Variants in HMGCLL1 observed in about 807,000 individuals in gnomAD.
The protein encoded by HMGCLL1 is 3-hydroxymethyl-3-methylglutaryl-CoA lyase, cytoplasmic.
A neutral mutation model predicts 39.1 loss-of-function variants in HMGCLL1; 36 were observed. That is an observed-to-expected ratio of 0.92 (90% confidence interval 0.71 to 1.22). The LOEUF (loss-of-function observed/expected upper bound fraction) is 1.22. Among genes scored for constraint, HMGCLL1 ranks in the 50% most tolerant of loss-of-function variants. The pLI is 0.00. For missense variants in HMGCLL1, 451 were observed against 416.5 expected, an observed-to-expected ratio of 1.08 and a Z score of -0.72; for synonymous variants, 149 against 144.0, an observed-to-expected ratio of 1.03 and a Z score of -0.25.
intron 7 of HMGCLL1, among the ~76,000 whole-genome samples, chr6:55,456,291 T>C (rs1764318067): frequency 6.6e-6 from 1 of 152,248 alleles, no homozygotes; most frequent in African/African-American, 2.4e-5. Context: ...ACATATTTTA[T>C]GCTTCTGTTT....
At chr6:55,530,692 A>G (rs1312984004) in intron 3 of HMGCLL1, among the ~76,000 whole-genome samples, 1 of 152,130 alleles carries the variant, frequency 6.6e-6, no homozygotes, top group African/African-American at 2.4e-5. Flanking sequence ...CCATTGTCTA[A>G]TGTGATATTC....
the HMGCLL1 span, among the ~76,000 whole-genome samples, chr6:55,609,078 G>T: frequency 6.6e-6 from 1 of 152,292 alleles, no homozygotes; most frequent in Admixed American, 6.5e-5. Context: ...AGATCCCATT[G>T]GTGAGCCCAC....
At chr6:55,513,748 T>G (rs1241895886) in intron 5 of HMGCLL1, 5 of 376,916 alleles carry the variant, frequency 1.3e-5, no homozygotes, top group Non-Finnish European at 4.6e-6. Flanking sequence ...ACATGTAGGC[T>G]GAGATAAGAG....
chr6:55,543,010 TATATC>T (rs1769565350), intron 1 of HMGCLL1, among the ~76,000 whole-genome samples: 1 of 119,630 alleles, frequency 8.4e-6, no homozygotes, highest in Non-Finnish European at 1.6e-5. Flanking sequence ...ATTATTATAA[TATATC>T]ATATATAGAT....
At chr6:55,479,597 A>G (rs1021608055) in intron 7 of HMGCLL1, among the ~76,000 whole-genome samples, 1 of 151,466 alleles carries the variant, frequency 6.6e-6, no homozygotes, top group African/African-American at 2.4e-5. Context: ...TTTCCTTTAT[A>G]TCCATTTTTC....
intron 3 of HMGCLL1, among the ~76,000 whole-genome samples, chr6:55,522,102 T>G (rs1269497635): frequency 6.6e-6 from 1 of 151,964 alleles, no homozygotes; most frequent in Non-Finnish European, 1.5e-5. Flanking sequence ...GGGAAAGGCC[T>G]GATGCTCTTC....
the HMGCLL1 span, among the ~76,000 whole-genome samples, chr6:55,619,600 A>C: frequency 6.6e-6 from 1 of 152,132 alleles, no homozygotes; most frequent in Non-Finnish European, 1.5e-5. Flanking sequence ...TTTATGGGGT[A>C]TGTGAGATAT....
intron 1 of HMGCLL1, among the ~76,000 whole-genome samples, chr6:55,558,818 T>C (rs1357936711): frequency 6.6e-6 from 1 of 152,136 alleles, no homozygotes; most frequent in Non-Finnish European, 1.5e-5. Context: ...TTTAAAACAA[T>C]TTTCCTTCTA....
At chr6:55,589,461 A>C in the HMGCLL1 span, among the ~76,000 whole-genome samples, 1 of 152,178 alleles carries the variant, frequency 6.6e-6, no homozygotes, top group African/African-American at 2.4e-5. Flanking sequence ...GAATGGGAAA[A>C]ACTGGAAGCA....
the HMGCLL1 span, among the ~76,000 whole-genome samples, chr6:55,640,601 G>A: frequency 7.3e-4 from 111 of 151,916 alleles, 1 homozygote; most frequent in Non-Finnish European, 1.8e-4. Context: ...AAAGAAAGGA[G>A]AGAGTGATAT....
intron 1 of HMGCLL1, chr6:55,563,844 C>G: frequency 2.3e-6 from 3 of 1,283,416 alleles, no homozygotes; most frequent in Non-Finnish European, 3.0e-6. Context: ...GAGAGGTGCC[C>G]TCAAATATGA....
At chr6:55,653,145 A>G in the HMGCLL1 span, among the ~76,000 whole-genome samples, 1 of 152,184 alleles carries the variant, frequency 6.6e-6, no homozygotes, top group East Asian at 1.9e-4. Flanking sequence ...GCCATATTAA[A>G]GAAACAAAAA....
chr6:55,579,197 T>G (rs1283878009), upstream of HMGCLL1: 1 of 659,812 alleles, frequency 1.5e-6, no homozygotes, highest in Non-Finnish European at 2.6e-6. Context: ...TTCTGCGCAC[T>G]GCGGCGGCGC....
In HMGCLL1 at chr6:55,507,988, T is replaced by C. The variant is rs751471705; in HGVS notation, c.542+6060A>G. On this transcript the variant is annotated intron_variant, in intron 5 of 8. Transcript: ENST00000274901. The stretch of plus-strand genomic sequence containing the variant: ...CTAGGGTTTCTGTCCAGTTGATTGA[T>C]GAGTGAAGAAGTGAGAATTTCAGAG... Among the ~76,000 whole-genome samples the C allele has an allele frequency of 7.6e-4, 115 of 151,752 alleles. 2 individuals are homozygous for C. Among genetic ancestry groups the C allele is most frequent in the Non-Finnish European group, 1.8e-4 (12 of 67,828 alleles).
intron 5 of HMGCLL1, among the ~76,000 whole-genome samples, chr6:55,505,644 G>A (rs917144953): frequency 4.6e-5 from 7 of 151,280 alleles, no homozygotes; most frequent in South Asian, 2.1e-4. Context: ...TTAGAATACC[G>A]TGTATTAAAA....
intron 1 of HMGCLL1, among the ~76,000 whole-genome samples, chr6:55,576,629 A>G (rs940984550): frequency 6.6e-6 from 1 of 152,200 alleles, no homozygotes; most frequent in Non-Finnish European, 1.5e-5. Context: ...AGTCATCCAT[A>G]TGAGAGATAA....
the HMGCLL1 span, among the ~76,000 whole-genome samples, chr6:55,656,808 C>G: frequency 6.6e-6 from 1 of 151,924 alleles, no homozygotes; most frequent in Non-Finnish European, 1.5e-5. Flanking sequence ...GCTGAGGTTT[C>G]TGTGTTGAGA....
the HMGCLL1 span, among the ~76,000 whole-genome samples, chr6:55,653,046 T>G: frequency 2.0e-5 from 3 of 152,070 alleles, no homozygotes; most frequent in Non-Finnish European, 4.4e-5. Flanking sequence ...ATGGTGTTTG[T>G]GAAGGAAGAA....
chr6:55,439,665 G>C, intron 7 of HMGCLL1, 106 bp from the exon 8 acceptor site: 1 of 1,229,810 alleles, frequency 8.1e-7, no homozygotes. Context: ...ATCTGAACTG[G>C]TTATTCAAAT....
Sources: gnomAD v4.1 joint callset for allele counts (sites outside exome capture counted in the v4.1 genomes callset) on GRCh38, gnomAD v4.1.1 for gene constraint, MANE v1.5 for transcripts, NCBI Gene and HGNC (gene_info 2026-07-23, HGNC 2026-07-21) for gene names.